Variants in ANKRD31 observed in about 807,000 individuals in gnomAD.
The protein encoded by ANKRD31 is ankyrin repeat domain-containing protein 31.
A neutral mutation model predicts 186.0 loss-of-function variants in ANKRD31; 147 were observed. The ratio of observed to expected loss-of-function variants is 0.79; its 90% CI spans 0.69 to 0.91. The LOEUF (loss-of-function observed/expected upper bound fraction) is 0.91, where lower values mean the gene tolerates loss of function less well. Ranked by LOEUF, ANKRD31 falls within the 40% of genes least tolerant of loss-of-function variation. The pLI, the probability that ANKRD31 is intolerant of heterozygous loss-of-function variation, is 0.00. For synonymous variants in ANKRD31, 673 were observed against 736.4 expected, an observed-to-expected ratio of 0.91 and a Z score of 1.39; for missense variants, 1,986 against 2,148.8, an observed-to-expected ratio of 0.92 and a Z score of 1.50.
intron 20 of ANKRD31, among the ~76,000 whole-genome samples, chr5:75,108,686 T>A (rs958259048): frequency 7.2e-5 from 11 of 152,086 alleles, no homozygotes; most frequent in Middle Eastern, 3.2e-3. Flanking sequence ...TGGTAAGTAT[T>A]GAGTCAGTGT....
At chr5:75,211,135 C>T (rs769921177) in intron 3 of ANKRD31, among the ~76,000 whole-genome samples, 3 of 152,142 alleles carry the variant, frequency 2.0e-5, no homozygotes, top group Non-Finnish European at 2.9e-5. Context: ...AAACTCCATG[C>T]TCATTAAACA....
intron 7 of ANKRD31, 54 bp downstream of exon 7, chr5:75,195,577 T>C (rs1277927441): frequency 1.4e-6 from 2 of 1,393,520 alleles, no homozygotes; most frequent in Non-Finnish European, 1.9e-6. Flanking sequence ...ATAGCTCAGC[T>C]AACTTGGAAC....
intron 17 of ANKRD31, among the ~76,000 whole-genome samples, chr5:75,135,006 G>A (rs192848616): frequency 1.4e-4 from 21 of 152,220 alleles, no homozygotes; most frequent in African/African-American, 5.1e-4. Context: ...AGGTATTGAT[G>A]GGACGTATCT....
At chr5:75,205,420 G>A (rs768350671) in intron 5 of ANKRD31, among the ~76,000 whole-genome samples, 16 of 152,108 alleles carry the variant, frequency 1.1e-4, no homozygotes, top group Non-Finnish European at 2.1e-4. Flanking sequence ...AAGCATCCTT[G>A]CTTTTCAGTA....
intron 10 of ANKRD31, among the ~76,000 whole-genome samples, chr5:75,175,852 A>G (rs4704184): frequency 0.51 from 77,098 of 151,728 alleles, 22,643 homozygotes; most frequent in African/African-American, 0.82. Context: ...TGCGGTACCG[A>G]GTTCATCTCA....
intron 17 of ANKRD31, among the ~76,000 whole-genome samples, chr5:75,134,310 C>G (rs1322300344): frequency 1.3e-5 from 2 of 151,898 alleles, no homozygotes; most frequent in East Asian, 3.9e-4. Flanking sequence ...CAAATAGACA[C>G]AATAAAAATG....
intron 2 of ANKRD31, among the ~76,000 whole-genome samples, chr5:75,228,167 TG>T (rs1405328941): frequency 6.6e-6 from 1 of 152,156 alleles, no homozygotes; most frequent in Non-Finnish European, 1.5e-5. Flanking sequence ...GAAGTTGGGA[TG>T]GGAAAAAAAC....
chr5:75,143,012 A>G (rs755522904), intron 15 of ANKRD31, among the ~76,000 whole-genome samples: 10 of 152,208 alleles, frequency 6.6e-5, no homozygotes, highest in Non-Finnish European at 1.3e-4. Flanking sequence ...CCAGAAATCA[A>G]TATCAAAGTG....
At chr5:75,108,479 C>T (rs913756829) in intron 20 of ANKRD31, among the ~76,000 whole-genome samples, 1 of 152,106 alleles carries the variant, frequency 6.6e-6, no homozygotes, top group South Asian at 2.1e-4. Flanking sequence ...GGGTTAAATG[C>T]ATATATTTTA....
At chr5:75,071,307 T>C (rs1255119917) in intron 25 of ANKRD31, among the ~76,000 whole-genome samples, 2 of 148,352 alleles carry the variant, frequency 1.3e-5, no homozygotes, top group African/African-American at 2.4e-5. Context: ...TAATATTTAA[T>C]ATTTAATAAT....
chr5:75,227,399 G>T (rs1757695725), intron 2 of ANKRD31, among the ~76,000 whole-genome samples: 5 of 152,156 alleles, frequency 3.3e-5, no homozygotes, highest in Admixed American at 3.3e-4. Flanking sequence ...TTAATTAATT[G>T]TACATTGTAA....
chr5:75,191,901 CTT>C (rs1205350302), intron 9 of ANKRD31, among the ~76,000 whole-genome samples: 1 of 151,976 alleles, frequency 6.6e-6, no homozygotes, highest in Non-Finnish European at 1.5e-5. Context: ...ATTTTTAAAA[CTT>C]TTTCTTTTGA....
chr5:75,189,862 C>T (rs1754984834), intron 9 of ANKRD31, among the ~76,000 whole-genome samples: 1 of 152,022 alleles, frequency 6.6e-6, no homozygotes. Flanking sequence ...TCATATGGTT[C>T]CTCTTTTTTA....
At chr5:75,235,226 A>C (rs1409889831) in intron 1 of ANKRD31, among the ~76,000 whole-genome samples, 1 of 150,050 alleles carries the variant, frequency 6.7e-6, no homozygotes, top group African/African-American at 2.4e-5. Context: ...AGTTCAACAG[A>C]AAGTCTTGCT....
rs530569444 is a variant in ANKRD31, at chr5:75,176,340, C to A, written c.1565-7219G>T. Among the ~76,000 whole-genome samples the A allele has an allele frequency of 3.3e-5, 5 of 152,342 alleles. No homozygotes were observed. The East Asian group carries it at 7.7e-4, about 24-fold the overall frequency. ...CAGACAAACAAAAGACAGCCATAAC[C>A]TCTGCAGACTTAAATGTCCCTGTCT... On this transcript the variant is annotated intron_variant, in intron 10 of 25. Transcript: ENST00000506364.
intron 15 of ANKRD31, among the ~76,000 whole-genome samples, chr5:75,143,469 C>T (rs897342146): frequency 3.3e-5 from 5 of 152,094 alleles, no homozygotes; most frequent in Non-Finnish European, 5.9e-5. Context: ...CAGTGTCCTT[C>T]CTACCTCTTA....
chr5:75,154,120 T>C, intron 12 of ANKRD31, 81 bp downstream of exon 12: 2 of 1,255,026 alleles, frequency 1.6e-6, no homozygotes, highest in Non-Finnish European at 2.1e-6. Flanking sequence ...GAAAAATAAA[T>C]TTAATTTCTT....
chr5:75,176,385 G>T (rs1753799676), intron 10 of ANKRD31, among the ~76,000 whole-genome samples: 1 of 152,196 alleles, frequency 6.6e-6, no homozygotes, highest in African/African-American at 2.4e-5. Context: ...GAAGAGAGTA[G>T]TGGTTCTCCC....
At chr5:75,204,652 A>G (rs755369390) in intron 5 of ANKRD31, among the ~76,000 whole-genome samples, 19 of 152,090 alleles carry the variant, frequency 1.2e-4, no homozygotes, top group Admixed American at 2.6e-4. Flanking sequence ...CCTTAATTGG[A>G]TATCAGGTTA....
Sources: allele counts gnomAD v4.1 joint callset (sites outside exome capture counted in the v4.1 genomes callset), GRCh38; gene constraint gnomAD v4.1.1; transcripts MANE v1.5; gene names NCBI Gene and HGNC (gene_info 2026-07-23, HGNC 2026-07-21).